The following NOS2 variants were observed in gnomAD, a reference collection of about 807,000 sequenced individuals.
NOS2 encodes nitric oxide synthase, inducible.
Under a neutral mutation model 136.0 loss-of-function variants are expected in NOS2, and 96 were observed. The ratio of observed to expected loss-of-function variants is 0.71; its 90% CI spans 0.60 to 0.84. The LOEUF is 0.84. Among genes scored for constraint, NOS2 ranks in the 40% least tolerant of loss-of-function variants. The pLI, the probability that NOS2 is intolerant of heterozygous loss-of-function variation, is 0.00. For synonymous variants in NOS2, 539 were observed against 587.5 expected (o/e 0.92, Z 1.20); for missense variants, 1,237 against 1,496.9 (o/e 0.83, Z 2.87).
At chr17:27,780,674 G>A in intron 9 of NOS2, 93 bp downstream of exon 9, 1 of 1,541,900 alleles carries the variant, frequency 6.5e-7, no homozygotes, top group Non-Finnish European at 8.9e-7. Flanking sequence ...CTGGGCTTTA[G>A]GGAAGGTATG....
chr17:27,782,026 A>G lies in NOS2; in HGVS notation c.711T>C (p.Asn237=), dbSNP rs1908863790. The change falls in exon 7 of 27, where the codon AAT becomes AAC. Residue 237 remains asparagine (N), a synonymous_variant. Transcript: ENST00000313735. Reference sequence around the variant, plus strand: ...AAATGTGCACCGACCTGATGTTGCCATTGTTGGTGGAGTAACGCACGTGTC... The same window carrying G: ...AAATGTGCACCGACCTGATGTTGCCGTTGTTGGTGGAGTAACGCACGTGTC... ...ICRHVRYSTN[N]GNIRSAITVF... 12 of 1,614,082 alleles carry G rather than the reference A, an allele frequency of 7.4e-6. No individual in the cohort carries two copies. The highest frequency in any genetic ancestry group is 1.0e-5 in the Non-Finnish European group (12 of 1,179,972).
rs748799131 is a variant in NOS2 at position 27,789,720 on chromosome 17, G to A, written c.111-32C>T. ...AAGGAAACAGCTAGCATGAGATGCG[G>A]TATCCAAGGGTGGAGGGGCATCTTG... On this transcript the variant is annotated intron_variant, in intron 2 of 26. Coordinates refer to ENST00000313735, the MANE Select transcript of NOS2 (RefSeq NM_000625.4). The A allele has an allele frequency of 3.3e-6, 5 of 1,517,448 alleles. No homozygotes were observed. In the Admixed American group the frequency reaches 6.7e-5, roughly 20 times the overall value. The allele number at this position is 1,517,448 out of a possible 1,614,324, so 94.0% of individuals were successfully genotyped here. A position where few individuals can be genotyped will look rare whatever the true frequency, so the allele number is the denominator to read the frequency against.
chr17:27,783,031 C>T lies in NOS2; in HGVS notation c.543G>A (p.Leu181=), dbSNP rs1327560490. 3 of 1,614,098 alleles carry T rather than the reference C, an allele frequency of 1.9e-6. No homozygotes were observed. The highest frequency in any genetic ancestry group is 4.5e-5 in the East Asian group (2 of 44,890). ...KEIETTGTYQ[L]TGDELIFATK... ...TGGCGAAGATGAGCTCATCTCCCGTCAGTTGGTAGGTTCCTGTTGTTTCTA... is the reference window on the plus strand; with the variant it reads ...TGGCGAAGATGAGCTCATCTCCCGTTAGTTGGTAGGTTCCTGTTGTTTCTA... Residue 181 remains leucine, a synonymous_variant, in exon 6 of 27, where the codon CTG becomes CTA. Transcript: ENST00000313735.
intron 11 of NOS2, among the ~76,000 whole-genome samples, chr17:27,775,970 C>A (rs1016997526): frequency 3.0e-4 from 45 of 152,174 alleles, no homozygotes; most frequent in African/African-American, 9.4e-4. Flanking sequence ...TCTAGTCTAA[C>A]TGGGTGGGGA....
Position 27,774,471 on chromosome 17 carries a change from AG to A in NOS2, c.1282-21del, listed in dbSNP as rs748308126. The A allele has an allele frequency of 2.1e-6, 3 of 1,441,408 alleles. No homozygotes were observed. In the South Asian group the frequency reaches 4.7e-5, roughly 23 times the overall value. The allele number at this position is 1,441,408 out of a possible 1,614,324, so 89.3% of individuals were successfully genotyped here. ...CTGCTTCTGTATCAGAAGGCAAGATAGGGAGTGGAGATAAGGGTGGGGGAAT... is the reference window on the plus strand; with the variant it reads ...CTGCTTCTGTATCAGAAGGCAAGATAGGAGTGGAGATAAGGGTGGGGGAAT... On this transcript the variant is annotated intron_variant, in intron 11 of 26. Transcript: ENST00000313735.
chr17:27,760,009 C>T (rs1315928804), intron 25 of NOS2, 21 bp downstream of exon 25: 1 of 1,498,896 alleles, frequency 6.7e-7, no homozygotes, highest in Admixed American at 2.2e-5. Context: ...AATGCTTCAC[C>T]TGCTTTGAGG....
At chr17:27,795,794 G>A (rs1017401938) in intron 2 of NOS2, among the ~76,000 whole-genome samples, 7 of 152,100 alleles carry the variant, frequency 4.6e-5, no homozygotes, top group Non-Finnish European at 1.0e-4. Context: ...TCTTCTATCT[G>A]ACTGGATCCT....
intron 21 of NOS2, among the ~76,000 whole-genome samples, chr17:27,763,307 C>T (rs1410500493): frequency 4.6e-5 from 7 of 152,174 alleles, no homozygotes; most frequent in African/African-American, 1.2e-4. Flanking sequence ...GACCTGGGTT[C>T]AAATCTTGGC....
At chr17:27,793,828 A>T in intron 2 of NOS2, 1 of 371,500 alleles carries the variant, frequency 2.7e-6, no homozygotes. Flanking sequence ...CACCCACGCG[A>T]TGTCCCGGGC....
intron 20 of NOS2, among the ~76,000 whole-genome samples, chr17:27,765,227 A>G (rs1280758432): frequency 6.6e-6 from 1 of 152,126 alleles, no homozygotes. Context: ...ACCTCAAGTG[A>G]TCCACCCACC....
intron 22 of NOS2, 121 bp from the exon 23 acceptor site, chr17:27,761,352 A>G (rs934861886): frequency 2.0e-4 from 141 of 703,476 alleles, no homozygotes; most frequent in Non-Finnish European, 3.1e-4. Context: ...TCAGGACTCA[A>G]TGAGCAGCTG....
chr17:27,794,874 T>G (rs1909306275), intron 2 of NOS2, among the ~76,000 whole-genome samples: 1 of 152,236 alleles, frequency 6.6e-6, no homozygotes, highest in South Asian at 2.1e-4. Flanking sequence ...TCATTGGCTC[T>G]CATTGCTTTC....
chr17:27,772,715 C>T (rs1420814159), intron 13 of NOS2, among the ~76,000 whole-genome samples: 1 of 152,164 alleles, frequency 6.6e-6, no homozygotes, highest in African/African-American at 2.4e-5. Context: ...GCGACTGGAC[C>T]TCTGGGAGCC....
At chr17:27,789,105 A>C (rs1318440008) in intron 3 of NOS2, among the ~76,000 whole-genome samples, 174 bp from the exon 4 acceptor site, 2 of 152,176 alleles carry the variant, frequency 1.3e-5, no homozygotes, top group African/African-American at 4.8e-5. Context: ...TAAGAGCTCC[A>C]GGTGCCTGGG....
intron 2 of NOS2, among the ~76,000 whole-genome samples, chr17:27,792,156 C>T (rs932682810): frequency 6.6e-6 from 1 of 152,220 alleles, no homozygotes; most frequent in Non-Finnish European, 1.5e-5. Context: ...ATCCACTCTA[C>T]AGATGGGCCA....
At chr17:27,799,570 G>T (rs1384271345) in intron 1 of NOS2, among the ~76,000 whole-genome samples, 1 of 152,232 alleles carries the variant, frequency 6.6e-6, no homozygotes, top group African/African-American at 2.4e-5. Context: ...TAGGCCAAGT[G>T]CAGTGGCTCA....
intron 26 of NOS2, among the ~76,000 whole-genome samples, chr17:27,758,469 G>A (rs1421613019): frequency 3.3e-5 from 5 of 152,176 alleles, no homozygotes; most frequent in African/African-American, 1.2e-4. Flanking sequence ...CTGCTGGGGG[G>A]ATGAGGGTGA....
Position 27,772,388 on chromosome 17 carries a change from G to T in NOS2, c.1624C>A (p.Leu542Ile), listed in dbSNP as rs774237653. Residue 542 changes from leucine to isoleucine, a missense_variant, in exon 14 of 27, where the codon CTC becomes ATC. Leu to Ile is a conservative substitution (Grantham distance 5). Transcript: ENST00000313735. ...TMASRVRVTILFATETGKSEA... is the reference protein window; with the variant it reads ...TMASRVRVTIIFATETGKSEA... ...GATTTTCCTGTCTCTGTCGCAAAGA[G>T]GATGGTGACTCTGACTCGGGACGCC... 4 of 1,614,166 alleles carry T rather than the reference G, an allele frequency of 2.5e-6. No individual in the cohort carries two copies. The South Asian group carries it at 4.4e-5, about 18-fold the overall frequency.
intron 11 of NOS2, among the ~76,000 whole-genome samples, chr17:27,775,436 A>G (rs1214709812): frequency 6.6e-6 from 1 of 152,052 alleles, no homozygotes; most frequent in Non-Finnish European, 1.5e-5. Flanking sequence ...CGTCTCTACT[A>G]AAAAATATAA....
Sources: gnomAD v4.1 joint callset for allele counts (sites outside exome capture counted in the v4.1 genomes callset) on GRCh38, gnomAD v4.1.1 for gene constraint, MANE v1.5 for transcripts, NCBI Gene and HGNC (gene_info 2026-07-23, HGNC 2026-07-21) for gene names.